Variants in TRERF1 observed in about 807,000 individuals in gnomAD.
TRERF1 encodes the protein transcriptional regulating factor 1, also known as transcriptional-regulating factor 1.
TRERF1 carries 27 observed loss-of-function variants against 122.9 expected under a neutral mutation model. The observed-to-expected ratio is 0.22, with a 90% confidence interval of 0.16 to 0.30. TRERF1 has a LOEUF of 0.30. TRERF1 is among the 10% of genes least tolerant of loss of function. The pLI is 1.00. For missense variants in TRERF1, 1,248 were observed against 1,560.3 expected, an observed-to-expected ratio of 0.80 and a Z score of 3.37; for synonymous variants, 636 against 641.7, an observed-to-expected ratio of 0.99 and a Z score of 0.13.
chr6:42,252,784 ACCAGTGAC>A (rs1483114935), intron 13 of TRERF1, among the ~76,000 whole-genome samples: 1 of 152,214 alleles, frequency 6.6e-6, no homozygotes, highest in Admixed American at 6.5e-5. Flanking sequence ...GACTTCAGAG[ACCAGTGAC>A]CTCTGCCCTT....
Position 42,367,647 on chromosome 6 carries a change from G to A in TRERF1, c.-453-4568C>T, listed in dbSNP as rs542429360. Reference sequence around the variant, plus strand: ...CTCACCCCAAGCATGGGAGGGATTTGGGCCAAAATGTGTGGAGCTGCTCTG... The same window carrying A: ...CTCACCCCAAGCATGGGAGGGATTTAGGCCAAAATGTGTGGAGCTGCTCTG... On this transcript the variant is annotated intron_variant, in intron 2 of 17. Transcript: ENST00000372922. 2.0e-5 allele frequency among the ~76,000 whole-genome samples: 3 copies of A among 152,230 alleles called. No individual in the cohort carries two copies. The East Asian group carries it at 5.8e-4, about 29-fold the overall frequency.
At position 42,417,591 on chromosome 6, in the gene TRERF1, GC is replaced by G. The variant is rs534001330; in HGVS notation, c.-454+33585del. 3.2e-3 allele frequency among the ~76,000 whole-genome samples: 492 copies of G among 152,306 alleles called. 2 individuals are homozygous for G. The highest frequency in any genetic ancestry group is 0.011 in the African/African-American group (472 of 41,554). On this transcript the variant is annotated intron_variant, in intron 2 of 17. Coordinates refer to ENST00000372922, the Ensembl canonical transcript of TRERF1. ...AGGGTATAAAGAGGAGGAACGACTG[GC>G]CGGCCAGGAAACCCACATCCAGCAA...
At chr6:42,449,152 T>C (rs1788032847) in intron 2 of TRERF1, among the ~76,000 whole-genome samples, 1 of 152,232 alleles carries the variant, frequency 6.6e-6, no homozygotes. Flanking sequence ...TATGTGATAA[T>C]AACACATGCC....
At chr6:42,435,351 T>C (rs772661605) in intron 2 of TRERF1, among the ~76,000 whole-genome samples, 2 of 152,042 alleles carry the variant, frequency 1.3e-5, no homozygotes, top group Non-Finnish European at 2.9e-5. Context: ...TGAGGAGACA[T>C]GGATGGCATG....
intron 2 of TRERF1, among the ~76,000 whole-genome samples, chr6:42,433,177 G>A (rs1335281144): frequency 1.3e-5 from 2 of 152,086 alleles, no homozygotes; most frequent in Non-Finnish European, 2.9e-5. Flanking sequence ...TCTGGTGCAA[G>A]GAACACAGAG....
At chr6:42,297,863 C>T (rs760852123) in intron 4 of TRERF1, among the ~76,000 whole-genome samples, 6 of 152,100 alleles carry the variant, frequency 3.9e-5, no homozygotes, top group Non-Finnish European at 8.8e-5. Flanking sequence ...TTATGAATAC[C>T]AGCCAGCAGA....
At chr6:42,372,168 C>G (rs1370538769) in intron 2 of TRERF1, among the ~76,000 whole-genome samples, 1 of 152,070 alleles carries the variant, frequency 6.6e-6, no homozygotes, top group Non-Finnish European at 1.5e-5. Context: ...GGTGACAGAG[C>G]AAAATTCAGT....
intron 13 of TRERF1, among the ~76,000 whole-genome samples, chr6:42,253,487 T>C (rs976274032): frequency 6.6e-6 from 1 of 152,172 alleles, no homozygotes; most frequent in Non-Finnish European, 1.5e-5. Flanking sequence ...GCTGTTTCCA[T>C]GGCAGATTAG....
chr6:42,342,435 T>C (rs1381241841), intron 3 of TRERF1, among the ~76,000 whole-genome samples: 3 of 152,146 alleles, frequency 2.0e-5, no homozygotes, highest in African/African-American at 4.8e-5. Context: ...ATGGCAGACA[T>C]TGCTAGTAGA....
At chr6:42,242,260 G>A (rs1773892184) in intron 15 of TRERF1, among the ~76,000 whole-genome samples, 2 of 152,178 alleles carry the variant, frequency 1.3e-5, no homozygotes, top group African/African-American at 4.8e-5. Flanking sequence ...TGGATTAAAT[G>A]AGTCAATATT....
At chr6:42,435,542 C>T (rs1785181857) in intron 2 of TRERF1, among the ~76,000 whole-genome samples, 1 of 152,010 alleles carries the variant, frequency 6.6e-6, no homozygotes, top group Non-Finnish European at 1.5e-5. Context: ...CAGAGTAATA[C>T]TCCTTCTTAG....
intron 2 of TRERF1, among the ~76,000 whole-genome samples, chr6:42,429,443 C>T (rs1784147373): frequency 6.6e-6 from 1 of 152,190 alleles, no homozygotes; most frequent in South Asian, 2.1e-4. Flanking sequence ...AAGGAAGCAC[C>T]CCCTGCTACC....
intron 16 of TRERF1, 137 bp downstream of exon 16, chr6:42,236,068 A>C: frequency 7.4e-7 from 1 of 1,348,930 alleles, no homozygotes; most frequent in Non-Finnish European, 9.8e-7. Flanking sequence ...AGCAGAAAAC[A>C]ATGGCAACAT....
At chr6:42,282,240 T>C (rs1367222777) in intron 4 of TRERF1, among the ~76,000 whole-genome samples, 1 of 152,208 alleles carries the variant, frequency 6.6e-6, no homozygotes, top group Non-Finnish European at 1.5e-5. Context: ...GATGGGATAC[T>C]ATGCAGTTGT....
intron 2 of TRERF1, among the ~76,000 whole-genome samples, chr6:42,426,993 T>A (rs1004614424): frequency 1.3e-5 from 2 of 151,924 alleles, no homozygotes; most frequent in Non-Finnish European, 2.9e-5. Flanking sequence ...CAAGGTAATA[T>A]ATAAGAACTA....
intron 10 of TRERF1, 91 bp downstream of exon 10, chr6:42,258,044 T>C: frequency 9.1e-7 from 1 of 1,093,950 alleles, no homozygotes; most frequent in East Asian, 2.5e-5. Flanking sequence ...ACAACTGCTC[T>C]CTCAGTGTAA....
chr6:42,250,992 C>CTT (rs70987586), intron 13 of TRERF1, among the ~76,000 whole-genome samples: 4,819 of 97,528 alleles, frequency 0.049, 250 homozygotes, highest in Non-Finnish European at 0.068. Context: ...TCTTTTGCTT[C>CTT]TTTTTTTTTT....
intron 16 of TRERF1, among the ~76,000 whole-genome samples, chr6:42,234,887 G>A (rs1418878161): frequency 6.6e-6 from 1 of 152,056 alleles, no homozygotes; most frequent in Non-Finnish European, 1.5e-5. Flanking sequence ...ATTGTACATA[G>A]AGCTATGATT....
chr6:42,261,565 C>T (rs141925295), intron 8 of TRERF1, among the ~76,000 whole-genome samples: 2 of 152,150 alleles, frequency 1.3e-5, no homozygotes, highest in African/African-American at 4.8e-5. Context: ...CTGATGAGTC[C>T]AACCCTATCA....
Sources: gnomAD v4.1 joint callset for allele counts (sites outside exome capture counted in the v4.1 genomes callset) on GRCh38, gnomAD v4.1.1 for gene constraint, MANE v1.5 for transcripts, NCBI Gene and HGNC (gene_info 2026-07-23, HGNC 2026-07-21) for gene names.